CDK14: variants seen among roughly 807,000 people sequenced by gnomAD.
The protein encoded by CDK14 is cyclin-dependent kinase 14.
CDK14 carries 34 observed loss-of-function variants against 60.7 expected under a neutral mutation model. That is an observed-to-expected ratio of 0.56 (90% CI 0.43 to 0.75). The LOEUF (loss-of-function observed/expected upper bound fraction) is 0.75. Ranked by LOEUF, CDK14 falls within the 30% of genes least tolerant of loss-of-function variation. The pLI is 0.00. For synonymous variants in CDK14, 197 were observed against 203.7 expected (o/e 0.97, Z 0.28); for missense variants, 482 against 564.1 (o/e 0.85, Z 1.47).
intron 2 of CDK14, among the ~76,000 whole-genome samples, chr7:90,635,880 T>C (rs1800133381): frequency 6.6e-6 from 1 of 151,998 alleles, no homozygotes; most frequent in African/African-American, 2.4e-5. Context: ...CTAGATATTT[T>C]ATTCTCTTTG....
intron 2 of CDK14, among the ~76,000 whole-genome samples, chr7:90,685,755 A>G (rs1801421418): frequency 6.9e-6 from 1 of 145,476 alleles, no homozygotes; most frequent in African/African-American, 2.6e-5. Flanking sequence ...GTGCCTAGCC[A>G]GCATTGAATT....
chr7:90,611,657 G>A (rs1312721907), intron 2 of CDK14, among the ~76,000 whole-genome samples: 1 of 151,998 alleles, frequency 6.6e-6, no homozygotes, highest in Non-Finnish European at 1.5e-5. Context: ...CCCTGCCTAC[G>A]ACTTGCCTCC....
In CDK14 at chr7:90,709,627, T is replaced by TG. The variant is rs928512353; in HGVS notation, c.124-16938dup. 8 of 1,599,006 alleles carry TG rather than the reference T, an allele frequency of 5.0e-6. No homozygotes were observed. In the African/African-American group the frequency reaches 9.8e-5, roughly 20 times the overall value. On this transcript the variant is annotated intron_variant, in intron 2 of 14. Transcript: ENST00000380050. The stretch of plus-strand genomic sequence containing the variant: ...ACTCCACAGGCAAGTCCATCGTGTT[T>TG]GGAAAAAAAAATTAGATTTTTTGGA...
intron 14 of CDK14, among the ~76,000 whole-genome samples, chr7:91,153,910 CA>C (rs1174499004): frequency 2.0e-5 from 3 of 151,798 alleles, no homozygotes; most frequent in Non-Finnish European, 2.9e-5. Context: ...ATTAAGTTGA[CA>C]AAAAAACAAA....
intron 2 of CDK14, among the ~76,000 whole-genome samples, chr7:90,687,047 ATTTTT>A (rs577500650): frequency 6.6e-6 from 1 of 150,726 alleles, no homozygotes; most frequent in East Asian, 1.9e-4. Context: ...TTGTGATTGA[ATTTTT>A]TTTTTAAGCA....
At chr7:91,093,044 A>T (rs1304774042) in intron 12 of CDK14, among the ~76,000 whole-genome samples, 1 of 152,224 alleles carries the variant, frequency 6.6e-6, no homozygotes, top group African/African-American at 2.4e-5. Context: ...TTTTATGCAT[A>T]CTAACTTTAG....
intron 14 of CDK14, among the ~76,000 whole-genome samples, chr7:91,183,684 T>C (rs927239919): frequency 2.0e-5 from 3 of 152,250 alleles, no homozygotes; most frequent in Non-Finnish European, 2.9e-5. Context: ...AGATCTGAAC[T>C]GACACCTTAG....
At chr7:90,955,077 T>C (rs1794372451) in intron 8 of CDK14, among the ~76,000 whole-genome samples, 1 of 152,164 alleles carries the variant, frequency 6.6e-6, no homozygotes, top group Non-Finnish European at 1.5e-5. Context: ...ATTTATCATA[T>C]ATAATCTCAT....
chr7:90,711,250 A>G (rs1200879293), intron 2 of CDK14, among the ~76,000 whole-genome samples: 1 of 152,090 alleles, frequency 6.6e-6, no homozygotes, highest in Non-Finnish European at 1.5e-5. Flanking sequence ...ATTTCTTTAA[A>G]TGGTGCAGTG....
intron 9 of CDK14, among the ~76,000 whole-genome samples, chr7:90,965,271 C>T (rs1042081099): frequency 3.3e-5 from 5 of 152,164 alleles, no homozygotes; most frequent in African/African-American, 1.2e-4. Flanking sequence ...TGTCTTACTT[C>T]GCTGACCCCT....
intron 6 of CDK14, among the ~76,000 whole-genome samples, chr7:90,892,905 A>G (rs1259376156): frequency 1.3e-5 from 2 of 152,088 alleles, no homozygotes; most frequent in Non-Finnish European, 2.9e-5. Context: ...CTGCCTCCCA[A>G]TTAGCTGGGA....
At chr7:90,725,079 T>C (rs1391688455) in intron 2 of CDK14, among the ~76,000 whole-genome samples, 1 of 152,180 alleles carries the variant, frequency 6.6e-6, no homozygotes, top group Non-Finnish European at 1.5e-5. Context: ...AGTTGAGACA[T>C]ACTCATAGGG....
intron 2 of CDK14, among the ~76,000 whole-genome samples, chr7:90,719,398 C>T (rs981462194): frequency 6.6e-5 from 10 of 152,188 alleles, no homozygotes; most frequent in East Asian, 5.8e-4. Flanking sequence ...ATTTTCAGAC[C>T]GAATGAATTC....
At chr7:90,657,872 G>A (rs1431162435) in intron 2 of CDK14, among the ~76,000 whole-genome samples, 1 of 152,118 alleles carries the variant, frequency 6.6e-6, no homozygotes. Flanking sequence ...TTACCATGAG[G>A]AGACCAAGGC....
intron 4 of CDK14, among the ~76,000 whole-genome samples, chr7:90,759,919 C>T (rs1480150839): frequency 6.6e-6 from 1 of 152,220 alleles, no homozygotes; most frequent in East Asian, 1.9e-4. Flanking sequence ...CAAAGCATTA[C>T]TTCTGCAGGA....
In CDK14 at chr7:90,607,736, CGGTCATA is replaced by C. The variant is rs545801507; in HGVS notation, c.123+3489_123+3495del. Among the ~76,000 whole-genome samples the C allele has an allele frequency of 2.8e-3, 432 of 152,216 alleles. 4 individuals carry two copies. The highest frequency in any genetic ancestry group is 0.01 in the African/African-American group (416 of 41,552). On this transcript the variant is annotated intron_variant, in intron 2 of 14. Coordinates refer to ENST00000380050, the MANE Select transcript of CDK14 (RefSeq NM_001287135.2). Reference sequence around the variant, plus strand: ...CAAACAATAGGAATTTTGCTGAAGGCGGTCATAGTTGGAGAGGGGACATTCTATGAAT... The same window carrying C: ...CAAACAATAGGAATTTTGCTGAAGGCGTTGGAGAGGGGACATTCTATGAAT...
intron 10 of CDK14, among the ~76,000 whole-genome samples, chr7:90,997,811 T>C (rs1052947554): frequency 5.9e-5 from 9 of 152,206 alleles, no homozygotes; most frequent in Non-Finnish European, 1.0e-4. Context: ...TTATTGACTC[T>C]TGGGATGTGA....
At chr7:90,964,288 T>C (rs1584175852) in intron 9 of CDK14, among the ~76,000 whole-genome samples, 1 of 152,142 alleles carries the variant, frequency 6.6e-6, no homozygotes, top group East Asian at 1.9e-4. Flanking sequence ...TGACTCCATT[T>C]TGATTGTGAT....
At chr7:90,649,033 A>T in intron 2 of CDK14, among the ~76,000 whole-genome samples, 1 of 151,906 alleles carries the variant, frequency 6.6e-6, no homozygotes, top group East Asian at 1.9e-4. Context: ...TTCAACTTCA[A>T]CCTCTCCATT....
Sources: allele counts gnomAD v4.1 joint callset (sites outside exome capture counted in the v4.1 genomes callset), GRCh38; gene constraint gnomAD v4.1.1; transcripts MANE v1.5; gene names NCBI Gene and HGNC (gene_info 2026-07-23, HGNC 2026-07-21).